Variants in FIBCD1 observed in about 807,000 individuals in gnomAD.
The protein encoded by FIBCD1 is fibrinogen C domain containing 1, also known as fibrinogen C domain-containing protein 1.
Under a neutral mutation model 45.1 loss-of-function variants are expected in FIBCD1, and 47 were observed. The ratio of observed to expected loss-of-function variants is 1.04; its 90% CI spans 0.82 to 1.33. The LOEUF is 1.33. Among genes scored for constraint, FIBCD1 ranks in the 40% most tolerant of loss-of-function variants. FIBCD1 has a pLI of 0.00. For synonymous variants in FIBCD1, 313 were observed against 308.1 expected (o/e 1.02, Z -0.17); for missense variants, 653 against 682.2 (o/e 0.96, Z 0.48).
At chr9:130,917,810 T>G (rs763037430) in intron 4 of FIBCD1, among the ~76,000 whole-genome samples, 2 of 152,054 alleles carry the variant, frequency 1.3e-5, no homozygotes, top group African/African-American at 4.8e-5. Context: ...AGACTGAGGC[T>G]TGGAGGAGTG....
intron 4 of FIBCD1, among the ~76,000 whole-genome samples, chr9:130,913,566 C>T (rs1454778852): frequency 1.3e-5 from 2 of 152,190 alleles, no homozygotes; most frequent in African/African-American, 4.8e-5. Flanking sequence ...CTTTTTCGTG[C>T]TTTGCTACCT....
Position 130,905,261 on chromosome 9 carries a change from T to C in FIBCD1, c.1099A>G (p.Thr367Ala). Residue 367 changes from threonine (T) to alanine (A), a missense_variant, in exon 6 of 7, where the codon ACC becomes GCC. Physicochemically the swap from Thr to Ala is moderately conservative, Grantham distance 58. Transcript: ENST00000372338. ...VDPEEDGYPL[T>A]VADYSGTAGD... Reference sequence around the variant, plus strand: ...GCAGTGCCGGAATAGTCAGCCACGGTGAGCGGGTACCCGTCTTCCTCAGGG... The same window carrying C: ...GCAGTGCCGGAATAGTCAGCCACGGCGAGCGGGTACCCGTCTTCCTCAGGG... 1 of 1,613,800 alleles carries C rather than the reference T, an allele frequency of 6.2e-7. No homozygotes were observed. Among genetic ancestry groups the C allele is most frequent in the Middle Eastern group, 1.7e-4 (1 of 6,060 alleles).
intron 5 of FIBCD1, among the ~76,000 whole-genome samples, chr9:130,909,375 A>G (rs1199013143): frequency 6.6e-6 from 1 of 152,162 alleles, no homozygotes; most frequent in Non-Finnish European, 1.5e-5. Flanking sequence ...GGCCGCCCAG[A>G]TGACACTCGG....
At chr9:130,912,310 G>T (rs1202224623) in intron 4 of FIBCD1, among the ~76,000 whole-genome samples, 5 of 151,136 alleles carry the variant, frequency 3.3e-5, no homozygotes, top group African/African-American at 1.2e-4. Context: ...AGAGGCTGAG[G>T]CAGAAGGATC....
chr9:130,923,234 T>G (rs1832292106), intron 4 of FIBCD1, among the ~76,000 whole-genome samples: 1 of 152,156 alleles, frequency 6.6e-6, no homozygotes, highest in South Asian at 2.1e-4. Flanking sequence ...CGCTCCTGTT[T>G]CCCACCCAGG....
intron 5 of FIBCD1, among the ~76,000 whole-genome samples, chr9:130,910,472 C>A (rs988544772): frequency 6.6e-6 from 1 of 152,222 alleles, no homozygotes; most frequent in Non-Finnish European, 1.5e-5. Flanking sequence ...CCACAGCGCC[C>A]GGTCCCATCG....
In FIBCD1 at chr9:130,902,865, G is replaced by A. The variant is rs1285976526; in HGVS notation, c.*1199C>T. 2 of 152,426 alleles carry A rather than the reference G, an allele frequency of 1.3e-5. No homozygotes were observed. The highest frequency in any genetic ancestry group is 2.9e-5 in the Non-Finnish European group (2 of 68,200). 9.4% of individuals were successfully genotyped at this position (152,426 alleles called of 1,614,324 possible). A position where few individuals can be genotyped will look rare whatever the true frequency, so the allele number is the denominator to read the frequency against. On this transcript the variant is annotated 3_prime_UTR_variant, in exon 7 of 7. Transcript: ENST00000372338. ...TCTGCATGTGTGCACACAAGGAGTG[G>A]GGATGACAGCGTGCTGGGTGTTGGG...
At position 130,922,314 on chromosome 9, in the gene FIBCD1, G is replaced by A. The variant is rs941011633; in HGVS notation, c.849+1430C>T. On this transcript the variant is annotated intron_variant, in intron 4 of 6. Coordinates refer to ENST00000372338, the MANE Select transcript of FIBCD1 (RefSeq NM_032843.5). This position sits in a 1 kb window ranked among gnomAD's most constrained non-coding sequence, Gnocchi z 4.5. ...GGGGTCTCTGTTCCTGGCTAAGCAG[G>A]CCTGACTGGCATCGCCGGCCTCCCA... Among the ~76,000 whole-genome samples the A allele has an allele frequency of 2.0e-5, 3 of 152,144 alleles. No homozygotes were observed. The highest frequency in any genetic ancestry group is 7.2e-5 in the African/African-American group (3 of 41,432).
intron 1 of FIBCD1, among the ~76,000 whole-genome samples, chr9:130,932,321 G>A (rs528821555): frequency 6.6e-6 from 1 of 152,334 alleles, no homozygotes; most frequent in Admixed American, 6.5e-5. Flanking sequence ...GCAGACCCCC[G>A]GGAAAGAGAT....
intron 4 of FIBCD1, among the ~76,000 whole-genome samples, chr9:130,920,662 C>T (rs1046224590): frequency 2.0e-5 from 3 of 152,110 alleles, no homozygotes; most frequent in East Asian, 3.9e-4. Flanking sequence ...CTGAGGACCA[C>T]CTGCCGCCTC....
Position 130,939,173 on chromosome 9 carries a change from G to A in FIBCD1, c.-566C>T, listed in dbSNP as rs1192291213. Reference sequence around the variant, plus strand: ...TCCCGGAGGGGCCTGAGAGCCCCCCGGCGGCGCCTCTGCACAAACTTCCTC... The same window carrying A: ...TCCCGGAGGGGCCTGAGAGCCCCCCAGCGGCGCCTCTGCACAAACTTCCTC... On this transcript the variant is annotated 5_prime_UTR_variant, in exon 1 of 7. Coordinates refer to ENST00000372338, the MANE Select transcript of FIBCD1 (RefSeq NM_032843.5). 2.6e-5 allele frequency: 4 copies of A among 151,922 alleles called. No homozygotes were observed. Among genetic ancestry groups the A allele is most frequent in the African/African-American group, 7.3e-5 (3 of 41,374 alleles). 9.4% of individuals were successfully genotyped at this position (151,922 alleles called of 1,614,324 possible). A position where few individuals can be genotyped will look rare whatever the true frequency, so the allele number is the denominator to read the frequency against.
At chr9:130,936,575 G>C (rs1438452170) in intron 1 of FIBCD1, among the ~76,000 whole-genome samples, 2 of 152,260 alleles carry the variant, frequency 1.3e-5, no homozygotes, top group African/African-American at 4.8e-5. Flanking sequence ...GGAAGGCGGG[G>C]CCCGGCCTGG....
rs760023132 is a variant in FIBCD1, at chr9:130,905,269, T to G, written c.1091A>C (p.Tyr364Ser). 1.2e-6 allele frequency: 2 copies of G among 1,613,864 alleles called. No individual in the cohort carries two copies. Among genetic ancestry groups the G allele is most frequent in the Admixed American group, 3.3e-5 (2 of 60,018 alleles). Residue 364 changes from tyrosine (Y) to serine (S), a missense_variant, in exon 6 of 7, where the codon TAC becomes TCC. Coordinates refer to ENST00000372338, the MANE Select transcript of FIBCD1 (RefSeq NM_032843.5). ...GGAATAGTCAGCCACGGTGAGCGGG[T>G]ACCCGTCTTCCTCAGGGTCCACGGA... Reference protein sequence around the residue: ...LFSVDPEEDGYPLTVADYSGT... With the variant: ...LFSVDPEEDGSPLTVADYSGT...
intron 2 of FIBCD1, among the ~76,000 whole-genome samples, chr9:130,927,130 C>T (rs1832374953): frequency 6.6e-6 from 1 of 151,770 alleles, no homozygotes; most frequent in Non-Finnish European, 1.5e-5. Flanking sequence ...GTAGTGACTG[C>T]TACTTAGAAG....
chr9:130,931,786 C>A (rs1832450595), intron 1 of FIBCD1, among the ~76,000 whole-genome samples: 1 of 152,252 alleles, frequency 6.6e-6, no homozygotes, highest in Non-Finnish European at 1.5e-5. Context: ...AGGCCCCGAG[C>A]CTCCTGCCTT....
rs1832283104 is a variant in FIBCD1 at position 130,922,716 on chromosome 9, ACC to A, written c.849+1026_849+1027del. Among the ~76,000 whole-genome samples the A allele has an allele frequency of 6.7e-6, 1 of 150,086 alleles. No homozygotes were observed. The highest frequency in any genetic ancestry group is 1.5e-5 in the Non-Finnish European group (1 of 67,534). ...CCCATCCCGTCTTCCTCTCTTCAAC[ACC>A]CCCAGTAGCTCCCGACTGTGTGTCC... is the stretch of plus-strand genomic sequence containing the variant. On this transcript the variant is annotated intron_variant, in intron 4 of 6. Transcript: ENST00000372338. This position sits in a 1 kb window ranked among gnomAD's most constrained non-coding sequence, Gnocchi z 4.5.
rs1165344662 is a variant in FIBCD1, at chr9:130,903,627, C to A, written c.*437G>T. On this transcript the variant is annotated 3_prime_UTR_variant, in exon 7 of 7. Coordinates refer to ENST00000372338, the MANE Select transcript of FIBCD1 (RefSeq NM_032843.5). ...GGCCTCAGACCTGACCTCAGAGAGA[C>A]CTGACGTTCCCCACGATCTGCTAGG... 4 of 286,678 alleles carry A rather than the reference C, an allele frequency of 1.4e-5. No individual in the cohort carries two copies. Among genetic ancestry groups the A allele is most frequent in the East Asian group, 8.6e-5 (1 of 11,566 alleles). 17.8% of individuals were successfully genotyped at this position (286,678 alleles called of 1,614,324 possible).
intron 4 of FIBCD1, among the ~76,000 whole-genome samples, chr9:130,920,490 A>T (rs1832243799): frequency 6.6e-6 from 1 of 152,146 alleles, no homozygotes; most frequent in Non-Finnish European, 1.5e-5. Context: ...TACACAGCCA[A>T]AGGGTGCCAA....
chr9:130,929,580 C>T lies in FIBCD1; in HGVS notation c.539G>A (p.Gly180Asp). The change falls in exon 2 of 7, where the codon GGC (glycine) becomes GAC (aspartate). Residue 180 changes from glycine to aspartate, a missense_variant. Coordinates refer to ENST00000372338, the MANE Select transcript of FIBCD1 (RefSeq NM_032843.5). The stretch of plus-strand genomic sequence containing the variant: ...CCCCAGCCCTACCTGGATGAGGCGG[C>T]CCTGCTCACTCTGCAGGGCGCTGAG... ...QGLSALQSEQ[G>D]RLIQLLSESQ... is the part of the protein sequence containing the mutation. The T allele has an allele frequency of 6.6e-7, 1 of 1,507,962 alleles. No individual in the cohort carries two copies. 93.4% of individuals were successfully genotyped at this position (1,507,962 alleles called of 1,614,324 possible).
Sources: gnomAD v4.1 joint callset for allele counts (sites outside exome capture counted in the v4.1 genomes callset) on GRCh38, gnomAD v4.1.1 for gene constraint, Gnocchi (gnomAD v3.1) non-coding constraint, MANE v1.5 for transcripts, NCBI Gene and HGNC (gene_info 2026-07-23, HGNC 2026-07-21) for gene names.